RUBCN: variants seen among roughly 807,000 people sequenced by gnomAD.
RUBCN encodes the protein rubicon autophagy regulator.
Under a neutral mutation model 113.2 loss-of-function variants are expected in RUBCN, and 74 were observed. The observed-to-expected ratio is 0.65, with a 90% CI of 0.54 to 0.79. The LOEUF is 0.79. Ranked by LOEUF, RUBCN falls within the 30% of genes least tolerant of loss-of-function variation. The pLI, the probability that RUBCN is intolerant of heterozygous loss-of-function variation, is 0.00. For synonymous variants in RUBCN, 480 were observed against 490.0 expected (o/e 0.98, Z 0.27); for missense variants, 1,109 against 1,251.7 (o/e 0.89, Z 1.72).
chr3:197,738,829 C>G (rs1728375707), upstream of RUBCN, among the ~76,000 whole-genome samples: 2 of 152,062 alleles, frequency 1.3e-5, no homozygotes, highest in African/African-American at 4.8e-5. Flanking sequence ...TGGGCTCAAG[C>G]AGTCCTCCTG....
At chr3:197,727,279 G>T (rs1309745808) in intron 1 of RUBCN, among the ~76,000 whole-genome samples, 1 of 152,168 alleles carries the variant, frequency 6.6e-6, no homozygotes, top group Non-Finnish European at 1.5e-5. Context: ...AACTCTTGAA[G>T]CTTCAATTCC....
At chr3:197,677,097 T>C in intron 17 of RUBCN, 59 bp from the exon 18 acceptor site, 2 of 1,538,556 alleles carry the variant, frequency 1.3e-6, no homozygotes, top group East Asian at 2.2e-5. Flanking sequence ...CACATCGTAG[T>C]AGAAGGATCC....
intron 7 of RUBCN, chr3:197,699,333 T>C: frequency 1.2e-6 from 1 of 818,522 alleles, no homozygotes; most frequent in African/African-American, 1.7e-5. Flanking sequence ...GAAGTGGGGA[T>C]GGAACTCCCA....
upstream of RUBCN, chr3:197,737,159 T>A (rs1422160889): frequency 4.7e-6 from 1 of 210,670 alleles, no homozygotes; most frequent in Non-Finnish European, 9.5e-6. Context: ...GGGACCTTGG[T>A]CTCAGGAATC....
intron 1 of RUBCN, among the ~76,000 whole-genome samples, chr3:197,721,562 T>TTA (rs1245513018): frequency 1.3e-5 from 2 of 152,042 alleles, no homozygotes; most frequent in African/African-American, 2.4e-5. Flanking sequence ...TGTTAATCTT[T>TTA]TATATATATA....
intron 1 of RUBCN, among the ~76,000 whole-genome samples, chr3:197,733,187 T>G (rs1447306520): frequency 6.6e-6 from 1 of 152,250 alleles, no homozygotes; most frequent in African/African-American, 2.4e-5. Flanking sequence ...AAAATGACAC[T>G]ACCGGCTGGG....
chr3:197,677,450 C>T (rs758707449), intron 17 of RUBCN, 30 bp downstream of exon 17: 5 of 1,597,184 alleles, frequency 3.1e-6, no homozygotes, highest in South Asian at 1.1e-5. Flanking sequence ...AGCAACGTGG[C>T]CAGAGGGCTC....
chr3:197,741,256 C>T (rs1301570624), upstream of RUBCN, among the ~76,000 whole-genome samples: 1 of 152,138 alleles, frequency 6.6e-6, no homozygotes, highest in Non-Finnish European at 1.5e-5. Context: ...ACTTTAAAGA[C>T]AGTTTAAAAT....
chr3:197,697,417 G>A (rs1723138665), intron 7 of RUBCN, among the ~76,000 whole-genome samples: 1 of 152,224 alleles, frequency 6.6e-6, no homozygotes, highest in Non-Finnish European at 1.5e-5. Flanking sequence ...TCTTTAGATG[G>A]TAAAACAAAG....
intron 4 of RUBCN, among the ~76,000 whole-genome samples, 153 bp from the exon 5 acceptor site, chr3:197,703,807 G>A (rs1580269053): frequency 2.0e-5 from 3 of 152,186 alleles, no homozygotes; most frequent in East Asian, 1.9e-4. Context: ...AACGCGAGGT[G>A]CAGCAAAATG....
chr3:197,735,848 C>A (rs768395786), intron 1 of RUBCN, among the ~76,000 whole-genome samples: 3 of 152,146 alleles, frequency 2.0e-5, no homozygotes, highest in Non-Finnish European at 4.4e-5. Flanking sequence ...TCAGCCTCCC[C>A]CAAGGTGCTG....
rs1345129125 is a variant in RUBCN at position 197,683,651 on chromosome 3, T to G, written c.1848-212A>C. On this transcript the variant is annotated intron_variant, in intron 12 of 19. Coordinates refer to ENST00000296343, the MANE Select transcript of RUBCN (RefSeq NM_014687.4). This position sits in a 1 kb window ranked among gnomAD's most constrained non-coding sequence, Gnocchi z 4.6. ...CGGTTCAAGCCCCACTTCCTGCCAC[T>G]GCACGGCACTGCTAATGAAGGACTC... 6.6e-6 allele frequency among the ~76,000 whole-genome samples: 1 copy of G among 152,206 alleles called. No individual in the cohort carries two copies. Among genetic ancestry groups the G allele is most frequent in the Non-Finnish European group, 1.5e-5 (1 of 68,024 alleles).
intron 1 of RUBCN, chr3:197,748,187 C>G (rs1189361513): frequency 6.6e-6 from 1 of 152,038 alleles, no homozygotes; most frequent in African/African-American, 2.4e-5. Context: ...CTCAGGTGAT[C>G]CGCCTGCCTC....
chr3:197,741,624 A>T (rs1038737445), upstream of RUBCN, among the ~76,000 whole-genome samples: 9 of 152,266 alleles, frequency 5.9e-5, no homozygotes, highest in Admixed American at 5.9e-4. Context: ...TGAGGTCAGG[A>T]GTTCAAGAAC....
chr3:197,722,454 GTTTC>G (rs1249219585), intron 1 of RUBCN, among the ~76,000 whole-genome samples: 1 of 151,836 alleles, frequency 6.6e-6, no homozygotes, highest in African/African-American at 2.4e-5. Flanking sequence ...TAACACTGCT[GTTTC>G]TTTGTTGATT....
At chr3:197,748,546 T>C (rs940687127) in intron 1 of RUBCN, 2 of 152,196 alleles carry the variant, frequency 1.3e-5, no homozygotes, top group Non-Finnish European at 2.9e-5. Flanking sequence ...TTCCCCAAGA[T>C]AAGACTACTA....
intron 16 of RUBCN, among the ~76,000 whole-genome samples, chr3:197,680,456 C>T (rs1721085456): frequency 1.3e-5 from 2 of 151,556 alleles, no homozygotes; most frequent in South Asian, 4.2e-4. Context: ...CTGTCCTACG[C>T]TCTAACTGAC....
chr3:197,688,490 C>A (rs542850106), intron 11 of RUBCN, among the ~76,000 whole-genome samples: 1 of 152,270 alleles, frequency 6.6e-6, no homozygotes, highest in South Asian at 2.1e-4. Flanking sequence ...AGAAATAATT[C>A]TTTATATTAA....
In RUBCN at chr3:197,681,887, G is replaced by A. The variant is rs1487179057; in HGVS notation, c.2139C>T (p.Ala713=). ...NVHPAPTRKI[A]VAKQNYRCAG... ...CACAGCGGTAATTCTGCTTGGCCAC[G>A]GCAATTTTCCTCCTGAGGAAGGGTA... is the stretch of plus-strand genomic sequence containing the variant. The change falls in exon 15 of 20, where the codon GCC becomes GCT. Residue 713 remains alanine (A), a synonymous_variant. Transcript: ENST00000296343. This position sits in a 1 kb window ranked among gnomAD's most constrained non-coding sequence, Gnocchi z 5.5. 1.2e-5 allele frequency: 20 copies of A among 1,613,700 alleles called. No homozygotes were observed. In the East Asian group the frequency reaches 2.9e-4, roughly 23 times the overall value.
Sources: gnomAD v4.1 joint callset for allele counts (sites outside exome capture counted in the v4.1 genomes callset) on GRCh38, gnomAD v4.1.1 for gene constraint, Gnocchi (gnomAD v3.1) non-coding constraint, MANE v1.5 for transcripts, NCBI Gene and HGNC (gene_info 2026-07-23, HGNC 2026-07-21) for gene names.